Variants in CDK20 observed in about 807,000 individuals in gnomAD.
CDK20 encodes the protein cyclin dependent kinase 20, also known as cyclin-dependent kinase 20.
In CDK20, 40 loss-of-function variants were observed where a neutral mutation model predicts 38.6. The observed-to-expected ratio is 1.04, with a 90% CI of 0.81 to 1.35. CDK20 has a LOEUF of 1.35. Among genes scored for constraint, CDK20 ranks in the 40% most tolerant of loss-of-function variants. CDK20 has a pLI of 0.00. For missense variants in CDK20, 512 were observed against 452.6 expected, an observed-to-expected ratio of 1.13 and a Z score of -1.19; for synonymous variants, 209 against 185.7, an observed-to-expected ratio of 1.13 and a Z score of -1.02.
At position 87,974,480 on chromosome 9, in the gene CDK20, C is replaced by T. The variant is rs1240271643; in HGVS notation, c.-34G>A. ...AGTCGTGGGCCTGTGCCCCTGTGCCCCTGAACTTCCAAACTCCACTTCTCC... is the reference window on the plus strand; with the variant it reads ...AGTCGTGGGCCTGTGCCCCTGTGCCTCTGAACTTCCAAACTCCACTTCTCC... On this transcript the variant is annotated 5_prime_UTR_variant, in exon 1 of 8. Transcript: ENST00000325303. The T allele has an allele frequency of 6.3e-7, 1 of 1,586,330 alleles. No individual in the cohort carries two copies. The highest frequency in any genetic ancestry group is 2.3e-5 in the East Asian group (1 of 44,306).
chr9:87,971,049 C>G (rs1230868332), intron 3 of CDK20, 98 bp downstream of exon 3: 3 of 1,506,882 alleles, frequency 2.0e-6, no homozygotes, highest in African/African-American at 1.4e-5. Flanking sequence ...TTGACCAGCT[C>G]TGTCCCAACT....
Position 87,969,815 on chromosome 9 carries a change from G to A in CDK20, c.668C>T (p.Pro223Leu), listed in dbSNP as rs773109910. The A allele has an allele frequency of 1.2e-6, 2 of 1,613,758 alleles. No homozygotes were observed. The highest frequency in any genetic ancestry group is 1.1e-5 in the South Asian group (1 of 91,052). ...ACAAACCGGCCAGACTTGAGGGTTT[G>A]GGGTGCCCAAGATGCGAAGCACATA... The part of the protein sequence containing the change: ...LCYVLRILGT[P>L]NPQVWPELTE... The change falls in exon 6 of 8, where the codon CCA becomes CTA. Residue 223 changes from proline (P) to leucine (L), a missense_variant. Physicochemically the swap from Pro to Leu is moderately conservative, Grantham distance 98. Transcript: ENST00000325303.
At chr9:87,970,984 C>A (rs1036666988) in intron 3 of CDK20, 87 bp from the exon 4 acceptor site, 37 of 1,569,114 alleles carry the variant, frequency 2.4e-5, no homozygotes, top group Non-Finnish European at 3.0e-5. Flanking sequence ...CCACTCAGGT[C>A]AGCCCCGGTC....
chr9:87,974,527 C>A lies in CDK20; in HGVS notation c.-81G>T. 3.8e-6 allele frequency: 5 copies of A among 1,311,762 alleles called. No individual in the cohort carries two copies. Among genetic ancestry groups the A allele is most frequent in the Non-Finnish European group, 5.2e-6 (5 of 967,724 alleles). The allele number at this position is 1,311,762 out of a possible 1,614,324, so 81.3% of individuals were successfully genotyped here. A position where few individuals can be genotyped will look rare whatever the true frequency, so the allele number is the denominator to read the frequency against. Reference sequence around the variant, plus strand: ...CTCCTCCACCCCACGCTGATCTGAGCTCGCACGCTGTTGCCTAGCAACAGC... The same window carrying A: ...CTCCTCCACCCCACGCTGATCTGAGATCGCACGCTGTTGCCTAGCAACAGC... On this transcript the variant is annotated 5_prime_UTR_variant, in exon 1 of 8. Transcript: ENST00000325303.
At chr9:87,974,157 C>CG in intron 1 of CDK20, 122 bp from the exon 2 acceptor site, 2 of 1,529,900 alleles carry the variant, frequency 1.3e-6, no homozygotes, top group South Asian at 1.2e-5. Flanking sequence ...AGGCCCTCCT[C>CG]GGGGGTCTAG....
Position 87,967,118 on chromosome 9 carries a change from A to G in CDK20, c.*344T>C. 1 of 576,860 alleles carries G rather than the reference A, an allele frequency of 1.7e-6. No homozygotes were observed. 35.7% of individuals were successfully genotyped at this position (576,860 alleles called of 1,614,324 possible). ...CACTTCTCCTTGACCAGGAGGCAGC[A>G]CTCGGGGAAGCAGCACCAAGGCAGG... On this transcript the variant is annotated 3_prime_UTR_variant, in exon 8 of 8. Coordinates refer to ENST00000325303, the MANE Select transcript of CDK20 (RefSeq NM_001039803.3).
rs1278016869 is a variant in CDK20, at chr9:87,974,358, C to G, written c.75+14G>C. The G allele has an allele frequency of 2.5e-6, 4 of 1,609,748 alleles. No individual in the cohort carries two copies. The highest frequency in any genetic ancestry group is 3.4e-6 in the Non-Finnish European group (4 of 1,179,184). Reference sequence around the variant, plus strand: ...CACACCCCCGCCAGGCTGCCGGCCGCGGTCCAGCCTCACCTCCACGTGCTT... The same window carrying G: ...CACACCCCCGCCAGGCTGCCGGCCGGGGTCCAGCCTCACCTCCACGTGCTT... On this transcript the variant is annotated intron_variant, in intron 1 of 7. Coordinates refer to ENST00000325303, the MANE Select transcript of CDK20 (RefSeq NM_001039803.3).
In CDK20 at chr9:87,973,946, CAG is replaced by C; in HGVS notation, c.163_164del (p.Leu55AlafsTer27). 6.2e-7 allele frequency: 1 copy of C among 1,614,126 alleles called. No individual in the cohort carries two copies. The highest frequency in any genetic ancestry group is 8.5e-7 in the Non-Finnish European group (1 of 1,179,998). ...PNQALREIKA[L>X]QEMEDNQYVV... Reference sequence around the variant, plus strand: ...CATACTGATTGTCCTCCATCTCCTGCAGAGCCTTAATCTCCCGCAGGGCCTGG... The same window carrying C: ...CATACTGATTGTCCTCCATCTCCTGCAGCCTTAATCTCCCGCAGGGCCTGG... On this transcript the variant is annotated frameshift_variant, in exon 2 of 8. Transcript: ENST00000325303. LOFTEE classifies it high-confidence loss of function.
chr9:87,969,384 G>A lies in CDK20; in HGVS notation c.688-35C>T, dbSNP rs192325292. ...GGAGAAGGAACAGGGTACAATGAGA[G>A]TAGTTCCCGACCCTTGCCATGCTCT... On this transcript the variant is annotated intron_variant, in intron 6 of 7. Coordinates refer to ENST00000325303, the MANE Select transcript of CDK20 (RefSeq NM_001039803.3). 6.0e-4 allele frequency: 966 copies of A among 1,607,946 alleles called. 8 individuals carry two copies. In the African/African-American group the frequency reaches 0.011, roughly 19 times the overall value.
intron 3 of CDK20, 90 bp from the exon 4 acceptor site, chr9:87,970,987 C>T: frequency 1.3e-6 from 2 of 1,564,316 alleles, no homozygotes; most frequent in Non-Finnish European, 1.7e-6. Flanking sequence ...CTCAGGTCAG[C>T]CCCGGTCCCC....
At position 87,969,194 on chromosome 9, in the gene CDK20, C is replaced by T. The variant is rs562649016; in HGVS notation, c.843G>A (p.Lys281=). The part of the protein sequence containing the change: ...YPPHQRIAAS[K]ALLHQYFFTA... ...CAGAGACTACAGCCTCTCCCCCTAC[C>T]TTGGAAGCTGCGATGCGCTGGTGAG... Residue 281 remains lysine (K), a splice_region_variant and synonymous_variant, in exon 7 of 8, where the codon AAG becomes AAA. Transcript: ENST00000325303. The T allele has an allele frequency of 8.7e-6, 14 of 1,613,670 alleles. No homozygotes were observed. In the South Asian group the frequency reaches 1.4e-4, roughly 16 times the overall value.
rs1829779629 is a variant in CDK20 at position 87,970,640 on chromosome 9, A to G, written c.501-10T>C. On this transcript the variant is annotated splice_polypyrimidine_tract_variant and intron_variant, in intron 4 of 7. Coordinates refer to ENST00000325303, the MANE Select transcript of CDK20 (RefSeq NM_001039803.3). ...GGGGGCTCGGTACCACCTGCGAGGA[A>G]GAGGGCTGGCAGGCACTGGGCTGAG... The G allele has an allele frequency of 6.2e-7, 1 of 1,614,052 alleles. No homozygotes were observed. Among genetic ancestry groups the G allele is most frequent in the East Asian group, 2.2e-5 (1 of 44,854 alleles).
In CDK20 at chr9:87,969,737, T is replaced by C. The variant is rs1159677720; in HGVS notation, c.687+59A>G. The C allele has an allele frequency of 3.7e-6, 6 of 1,608,350 alleles. No homozygotes were observed. The Admixed American group carries it at 8.4e-5, about 23-fold the overall frequency. On this transcript the variant is annotated intron_variant, in intron 6 of 7. Transcript: ENST00000325303. ...AGGTTCAGGGGAGGGAGTGGTTACT[T>C]GCTGTTGGGAGTGGAGTAAACCTGC... is the stretch of plus-strand genomic sequence containing the variant.
In CDK20 at chr9:87,974,515, CG is replaced by C. The variant is rs1403975306; in HGVS notation, c.-70del. The C allele has an allele frequency of 7.0e-7, 1 of 1,424,512 alleles. No homozygotes were observed. The highest frequency in any genetic ancestry group is 1.4e-5 in the African/African-American group (1 of 70,926). The allele number at this position is 1,424,512 out of a possible 1,614,324, so 88.2% of individuals were successfully genotyped here. On this transcript the variant is annotated 5_prime_UTR_variant, in exon 1 of 8. Transcript: ENST00000325303. ...CAAACTCCACTTCTCCTCCACCCCA[CG>C]CTGATCTGAGCTCGCACGCTGTTGC... is the stretch of plus-strand genomic sequence containing the variant.
At chr9:87,974,098 G>A in intron 1 of CDK20, 63 bp from the exon 2 acceptor site, 1 of 1,610,202 alleles carries the variant, frequency 6.2e-7, no homozygotes, top group Non-Finnish European at 8.5e-7. Flanking sequence ...ATGAAGGTGG[G>A]TGAGGGGAAG....
In CDK20 at chr9:87,966,658, G is replaced by A. The variant is rs932397135; in HGVS notation, c.*804C>T. Reference sequence around the variant, plus strand: ...AAATTTATAAATTAATTCCAGGAACGCTTGTTTCCTTAAATACACAGCTGC... The same window carrying A: ...AAATTTATAAATTAATTCCAGGAACACTTGTTTCCTTAAATACACAGCTGC... On this transcript the variant is annotated 3_prime_UTR_variant, in exon 8 of 8. Coordinates refer to ENST00000325303, the MANE Select transcript of CDK20 (RefSeq NM_001039803.3). 1.3e-4 allele frequency: 22 copies of A among 166,494 alleles called. No individual in the cohort carries two copies. Among genetic ancestry groups the A allele is most frequent in the African/African-American group, 4.3e-4 (18 of 42,004 alleles). The allele number at this position is 166,494 out of a possible 1,614,324, so 10.3% of individuals were successfully genotyped here.
At chr9:87,970,108 G>T (rs1389081860) in intron 5 of CDK20, 189 bp from the exon 6 acceptor site, 2 of 559,576 alleles carry the variant, frequency 3.6e-6, no homozygotes, top group Non-Finnish European at 5.8e-6. Context: ...AGCCCCAGCT[G>T]TTCCAAGACT....
chr9:87,969,290 G>A lies in CDK20; in HGVS notation c.747C>T (p.Pro249=), dbSNP rs772299965. ...KISFKEQVPM[P]LEEVLPDVSP... ...AGACGTCAGGCAGCACCTCCTCCAG[G>A]GGCATGGGCACCTGCTCCTTAAAGG... is the stretch of plus-strand genomic sequence containing the variant. The change falls in exon 7 of 8, where the codon CCC becomes CCT. Residue 249 remains proline (P), a synonymous_variant. Coordinates refer to ENST00000325303, the MANE Select transcript of CDK20 (RefSeq NM_001039803.3). The A allele has an allele frequency of 1.1e-5, 17 of 1,613,862 alleles. No individual in the cohort carries two copies. The highest frequency in any genetic ancestry group is 1.4e-5 in the Non-Finnish European group (17 of 1,179,942).
chr9:87,969,013 T>A lies in CDK20; in HGVS notation c.843+181A>T, dbSNP rs147714929. The stretch of plus-strand genomic sequence containing the variant: ...GGGGATGTCCAGTGGGGTCTACTCA[T>A]GAGAGGCACACCTGCTCCAAGGCCC... On this transcript the variant is annotated intron_variant, in intron 7 of 7. Transcript: ENST00000325303. 8 of 670,310 alleles carry A rather than the reference T, an allele frequency of 1.2e-5. No individual in the cohort carries two copies. In the African/African-American group the frequency reaches 1.3e-4, roughly 11 times the overall value. The allele number at this position is 670,310 out of a possible 1,614,324, so 41.5% of individuals were successfully genotyped here. A position where few individuals can be genotyped will look rare whatever the true frequency, so the allele number is the denominator to read the frequency against.
Sources: allele counts gnomAD v4.1 joint callset, GRCh38; gene constraint gnomAD v4.1.1; transcripts MANE v1.5; gene names NCBI Gene and HGNC (gene_info 2026-07-23, HGNC 2026-07-21).